The following TMEM132B variants were observed in gnomAD, a reference collection of about 807,000 sequenced individuals.
TMEM132B encodes transmembrane protein 132B.
A neutral mutation model predicts 90.8 loss-of-function variants in TMEM132B; 18 were observed. That is an observed-to-expected ratio of 0.20 (90% CI 0.14 to 0.29). The LOEUF is 0.29. Among genes scored for constraint, TMEM132B ranks in the 10% least tolerant of loss-of-function variants. The pLI, the probability that TMEM132B is intolerant of heterozygous loss-of-function variation, is 1.00. For missense variants in TMEM132B, 1,096 were observed against 1,326.8 expected, an observed-to-expected ratio of 0.83 and a Z score of 2.70; for synonymous variants, 504 against 523.3, an observed-to-expected ratio of 0.96 and a Z score of 0.50.
At chr12:125,289,929 C>T (rs904817004) in intron 1 of TMEM132B, among the ~76,000 whole-genome samples, 5 of 152,206 alleles carry the variant, frequency 3.3e-5, no homozygotes, top group African/African-American at 9.7e-5. Context: ...AATTTATCCC[C>T]TAGTCATGCT....
intron 1 of TMEM132B, among the ~76,000 whole-genome samples, chr12:125,284,053 A>G (rs546318651): frequency 9.6e-4 from 146 of 152,322 alleles, no homozygotes; most frequent in Non-Finnish European, 1.9e-3. Context: ...AGAGGAGACC[A>G]GGCTTGACTG....
At chr12:125,367,984 G>A (rs560830578) in intron 2 of TMEM132B, among the ~76,000 whole-genome samples, 4 of 151,334 alleles carry the variant, frequency 2.6e-5, no homozygotes, top group Non-Finnish European at 5.9e-5. Context: ...TAATCTATTG[G>A]CTTTTTAGCT....
intron 3 of TMEM132B, among the ~76,000 whole-genome samples, chr12:125,453,404 T>C (rs1020975148): frequency 1.3e-5 from 2 of 152,204 alleles, no homozygotes; most frequent in African/African-American, 2.4e-5. Flanking sequence ...CACAAACATT[T>C]TGTCTCTTTG....
At chr12:125,338,211 G>C (rs899112759) in intron 1 of TMEM132B, among the ~76,000 whole-genome samples, 1 of 152,202 alleles carries the variant, frequency 6.6e-6, no homozygotes, top group Admixed American at 6.5e-5. Flanking sequence ...TTGGCTGCAA[G>C]TAACAGAAGC....
chr12:125,555,721 A>ATAT (rs1476454632), intron 4 of TMEM132B, among the ~76,000 whole-genome samples: 1 of 150,526 alleles, frequency 6.6e-6, no homozygotes. Context: ...AGTAAAAAAA[A>ATAT]ATATATATAT....
intron 1 of TMEM132B, among the ~76,000 whole-genome samples, chr12:125,239,364 G>T (rs975809552): frequency 3.9e-5 from 6 of 152,194 alleles, no homozygotes; most frequent in Non-Finnish European, 5.9e-5. Context: ...GCAGGCAACA[G>T]AAACTTAAGT....
At chr12:125,254,260 C>A (rs940343021) in intron 1 of TMEM132B, among the ~76,000 whole-genome samples, 2 of 151,472 alleles carry the variant, frequency 1.3e-5, no homozygotes, top group Non-Finnish European at 2.9e-5. Context: ...CAGCCTGGGT[C>A]ACAGAGTGAG....
chr12:125,574,839 T>G (rs1432786741), intron 4 of TMEM132B, among the ~76,000 whole-genome samples: 1 of 151,606 alleles, frequency 6.6e-6, no homozygotes, highest in Non-Finnish European at 1.5e-5. Context: ...TGAGGAGTGG[T>G]ATGAGCCTTT....
At chr12:125,341,920 A>G (rs1877192198) in intron 1 of TMEM132B, among the ~76,000 whole-genome samples, 1 of 152,206 alleles carries the variant, frequency 6.6e-6, no homozygotes. Flanking sequence ...CCATGATCCC[A>G]TATTTTCAGC....
intron 5 of TMEM132B, among the ~76,000 whole-genome samples, chr12:125,638,869 A>G (rs1886555902): frequency 6.6e-6 from 1 of 152,250 alleles, no homozygotes; most frequent in South Asian, 2.1e-4. Flanking sequence ...AAAGCAATGT[A>G]GTTGCAAAAG....
At chr12:125,425,653 C>T (rs115615796) in intron 3 of TMEM132B, among the ~76,000 whole-genome samples, 1,692 of 152,212 alleles carry the variant, frequency 0.011, 29 homozygotes, top group African/African-American at 0.037. Flanking sequence ...TTTTACTGTC[C>T]CCATAGTTTT....
At chr12:125,474,027 T>TTTCCTTCC (rs3070202) in intron 3 of TMEM132B, among the ~76,000 whole-genome samples, 18 of 150,018 alleles carry the variant, frequency 1.2e-4, no homozygotes, top group Non-Finnish European at 2.7e-4. Flanking sequence ...TCCTTCCTTC[T>TTTCCTTCC]TTCCTTCCTT....
intron 3 of TMEM132B, among the ~76,000 whole-genome samples, chr12:125,448,560 A>T (rs958424309): frequency 6.6e-6 from 1 of 152,180 alleles, no homozygotes; most frequent in Non-Finnish European, 1.5e-5. Flanking sequence ...TCCCAGTAGT[A>T]TTCCATTGTA....
intron 1 of TMEM132B, among the ~76,000 whole-genome samples, chr12:125,229,981 A>C (rs1593048796): frequency 6.6e-6 from 1 of 152,372 alleles, no homozygotes; most frequent in East Asian, 1.9e-4. Flanking sequence ...ATGCCGGGGC[A>C]GGAGCAGCCT....
intron 3 of TMEM132B, among the ~76,000 whole-genome samples, chr12:125,447,939 A>G (rs1881048559): frequency 6.6e-6 from 1 of 152,198 alleles, no homozygotes; most frequent in South Asian, 2.1e-4. Context: ...ATTTTGAGGT[A>G]TAATTTAGAT....
At chr12:125,271,407 T>C (rs1288269529) in intron 1 of TMEM132B, among the ~76,000 whole-genome samples, 1 of 152,188 alleles carries the variant, frequency 6.6e-6, no homozygotes, top group African/African-American at 2.4e-5. Context: ...TGTTTGACAG[T>C]GTCTGCCATG....
intron 2 of TMEM132B, among the ~76,000 whole-genome samples, chr12:125,359,157 A>G (rs1741045765): frequency 6.6e-6 from 1 of 152,186 alleles, no homozygotes; most frequent in African/African-American, 2.4e-5. Flanking sequence ...TGCATTTCTT[A>G]ATAGATAAAT....
At chr12:125,324,883 G>A (rs1876518713) in intron 1 of TMEM132B, among the ~76,000 whole-genome samples, 3 of 152,158 alleles carry the variant, frequency 2.0e-5, no homozygotes, top group Non-Finnish European at 4.4e-5. Flanking sequence ...AGCTTGAAAG[G>A]TGAGCTGTGG....
intron 5 of TMEM132B, among the ~76,000 whole-genome samples, chr12:125,626,430 A>G (rs4765265): frequency 0.12 from 17,553 of 152,136 alleles, 1,512 homozygotes; most frequent in Admixed American, 0.27. Flanking sequence ...ATCATATGGT[A>G]GTTCAATTCT....
Sources: allele counts gnomAD v4.1 joint callset (sites outside exome capture counted in the v4.1 genomes callset), GRCh38; gene constraint gnomAD v4.1.1; transcripts MANE v1.5; gene names NCBI Gene and HGNC (gene_info 2026-07-23, HGNC 2026-07-21).